DLGAP2: variants seen among roughly 807,000 people sequenced by gnomAD.
DLGAP2 encodes DLG associated protein 2, also known as disks large-associated protein 2.
In DLGAP2, 26 loss-of-function variants were observed where a neutral mutation model predicts 100.3. The observed-to-expected ratio is 0.26, with a 90% CI of 0.19 to 0.36. The LOEUF is 0.36. Among genes scored for constraint, DLGAP2 ranks in the 10% least tolerant of loss-of-function variants. The pLI, the probability that DLGAP2 is intolerant of heterozygous loss-of-function variation, is 1.00. For missense variants in DLGAP2, 1,858 were observed against 1,453.2 expected, an observed-to-expected ratio of 1.28 and a Z score of -4.53; for synonymous variants, 886 against 630.1, an observed-to-expected ratio of 1.41 and a Z score of -6.08.
chr8:974,698 A>T (rs1469277203), intron 2 of DLGAP2, among the ~76,000 whole-genome samples: 1 of 152,208 alleles, frequency 6.6e-6, no homozygotes, highest in African/African-American at 2.4e-5. Context: ...ATTTCAAACT[A>T]AGTAAAAATG....
At chr8:1,041,204 T>C (rs919952408) in intron 2 of DLGAP2, among the ~76,000 whole-genome samples, 6 of 152,198 alleles carry the variant, frequency 3.9e-5, no homozygotes, top group South Asian at 2.1e-4. Context: ...TCCCCACCCA[T>C]GTTGTATCTG....
intron 1 of DLGAP2, chr8:740,107 G>A (rs1375368202): frequency 6.6e-6 from 1 of 152,172 alleles, no homozygotes; most frequent in Non-Finnish European, 1.5e-5. Context: ...TTCCTCTGTT[G>A]ATCTACCGCG....
chr8:1,590,556 A>C (rs538336855), intron 6 of DLGAP2, among the ~76,000 whole-genome samples: 53 of 152,328 alleles, frequency 3.5e-4, no homozygotes, highest in African/African-American at 1.3e-3. Context: ...ATCTGTCTTC[A>C]AATCAGTTTA....
At chr8:935,745 T>A (rs2129004231) in intron 2 of DLGAP2, among the ~76,000 whole-genome samples, 1 of 152,306 alleles carries the variant, frequency 6.6e-6, no homozygotes, top group Middle Eastern at 3.4e-3. Flanking sequence ...CTGCTCTAGT[T>A]TCAGAGCTTC....
intron 2 of DLGAP2, among the ~76,000 whole-genome samples, chr8:1,066,756 C>A (rs933961930): frequency 6.6e-6 from 1 of 152,234 alleles, no homozygotes; most frequent in Admixed American, 6.5e-5. Flanking sequence ...CCTCCACACG[C>A]GGCACCTCCG....
intron 1 of DLGAP2, among the ~76,000 whole-genome samples, chr8:752,658 C>T (rs953755039): frequency 6.6e-5 from 10 of 152,180 alleles, no homozygotes; most frequent in Non-Finnish European, 5.9e-5. Flanking sequence ...TAAATTCCCT[C>T]CTGAAATTTA....
intron 2 of DLGAP2, among the ~76,000 whole-genome samples, chr8:949,610 G>A (rs533966638): frequency 6.6e-6 from 1 of 152,196 alleles, no homozygotes; most frequent in Non-Finnish European, 1.5e-5. Flanking sequence ...GGGCCTCCCC[G>A]CTGCAGCTTC....
chr8:886,515 T>C (rs1455025571), intron 1 of DLGAP2, among the ~76,000 whole-genome samples: 1 of 152,232 alleles, frequency 6.6e-6, no homozygotes, highest in Non-Finnish European at 1.5e-5. Flanking sequence ...TTTAGTGCTA[T>C]AAATGTCCCT....
intron 3 of DLGAP2, among the ~76,000 whole-genome samples, chr8:1,317,483 A>G (rs1315167923): frequency 2.1e-5 from 3 of 141,100 alleles, no homozygotes; most frequent in South Asian, 2.3e-4. Flanking sequence ...TCTCTCCAAC[A>G]GTGGTCTACA....
At chr8:904,592 G>T (rs547518749) in intron 1 of DLGAP2, among the ~76,000 whole-genome samples, 1 of 152,312 alleles carries the variant, frequency 6.6e-6, no homozygotes, top group South Asian at 2.1e-4. Flanking sequence ...TCTTCTCCAC[G>T]TTCTGTGATT....
intron 8 of DLGAP2, among the ~76,000 whole-genome samples, chr8:1,665,140 A>T (rs183406289): frequency 1.1e-4 from 17 of 152,350 alleles, no homozygotes; most frequent in African/African-American, 3.4e-4. Context: ...ATAAGTCATA[A>T]GCTGCCCCAT....
chr8:917,122 GGGCC>G (rs1798610379), intron 2 of DLGAP2, among the ~76,000 whole-genome samples: 1 of 152,216 alleles, frequency 6.6e-6, no homozygotes, highest in Admixed American at 6.5e-5. Flanking sequence ...CAGGAGTGAA[GGGCC>G]GGGGATAGTA....
chr8:1,537,922 A>G (rs564886204), intron 4 of DLGAP2, among the ~76,000 whole-genome samples: 5 of 152,314 alleles, frequency 3.3e-5, no homozygotes, highest in South Asian at 2.1e-4. Context: ...AGCTCTTACA[A>G]TGGGTCTTAA....
chr8:1,434,502 T>C (rs538838467), intron 3 of DLGAP2, among the ~76,000 whole-genome samples: 2 of 151,986 alleles, frequency 1.3e-5, no homozygotes, highest in South Asian at 4.2e-4. Context: ...TTTGAGACAG[T>C]GTCTCACTCT....
intron 4 of DLGAP2, among the ~76,000 whole-genome samples, chr8:1,537,864 A>C (rs1346609046): frequency 6.6e-6 from 1 of 152,220 alleles, no homozygotes; most frequent in Admixed American, 6.5e-5. Context: ...GAGAAAAGAG[A>C]GCTAAATTTA....
chr8:1,669,704 A>C (rs1563053023), intron 9 of DLGAP2, 39 bp from the exon 10 acceptor site: 1 of 780,808 alleles, frequency 1.3e-6, no homozygotes, highest in South Asian at 1.3e-5. Flanking sequence ...AGGGCCTCCG[A>C]ACCAGGTCTC....
intron 6 of DLGAP2, among the ~76,000 whole-genome samples, chr8:1,590,647 A>T (rs574627223): frequency 1.3e-5 from 2 of 152,342 alleles, no homozygotes; most frequent in South Asian, 4.1e-4. Context: ...ACACTCTCAA[A>T]TTCCACTTTA....
intron 3 of DLGAP2, among the ~76,000 whole-genome samples, chr8:1,325,453 A>C (rs1456588363): frequency 6.6e-6 from 1 of 152,174 alleles, no homozygotes; most frequent in Non-Finnish European, 1.5e-5. Context: ...TTTTGAAGTG[A>C]GCTTTCACTG....
intron 3 of DLGAP2, among the ~76,000 whole-genome samples, chr8:1,410,943 G>A (rs561589448): frequency 2.0e-5 from 3 of 151,362 alleles, no homozygotes; most frequent in Non-Finnish European, 4.4e-5. Context: ...TTAAGAGATT[G>A]TAATCATTAT....
Sources: gnomAD v4.1 joint callset for allele counts (sites outside exome capture counted in the v4.1 genomes callset) on GRCh38, gnomAD v4.1.1 for gene constraint, MANE v1.5 for transcripts, NCBI Gene and HGNC (gene_info 2026-07-23, HGNC 2026-07-21) for gene names.